The following LIPC variants were observed in gnomAD, a reference collection of about 807,000 sequenced individuals.
LIPC encodes lipase C, hepatic type.
Under a neutral mutation model 50.7 loss-of-function variants are expected in LIPC, and 44 were observed. That is an observed-to-expected ratio of 0.87 (90% CI 0.68 to 1.11). The LOEUF (loss-of-function observed/expected upper bound fraction) is 1.11. LIPC is among the 50% of genes most tolerant of loss of function. The pLI, the probability that LIPC is intolerant of heterozygous loss-of-function variation, is 0.00. For synonymous variants in LIPC, 271 were observed against 256.4 expected, an observed-to-expected ratio of 1.06 and a Z score of -0.54; for missense variants, 697 against 648.2, an observed-to-expected ratio of 1.08 and a Z score of -0.82.
chr15:58,522,245 C>T (rs1892679941), intron 1 of LIPC: 1 of 153,876 alleles, frequency 6.5e-6, no homozygotes, highest in African/African-American at 2.4e-5. Flanking sequence ...ACTGCCTCAG[C>T]TTCCTCCACC....
Position 58,568,877 on chromosome 15 carries a change from T to C in LIPC, c.*50T>C. Reference sequence around the variant, plus strand: ...GAATAAATGAATCTTACTCCTTATCTGGAATGGCTGCCTTATTTAGAAGCC... The same window carrying C: ...GAATAAATGAATCTTACTCCTTATCCGGAATGGCTGCCTTATTTAGAAGCC... On this transcript the variant is annotated 3_prime_UTR_variant, in exon 9 of 9. Transcript: ENST00000299022. 9.4e-7 allele frequency: 1 copy of C among 1,061,416 alleles called. No homozygotes were observed. 65.7% of individuals were successfully genotyped at this position (1,061,416 alleles called of 1,614,324 possible).
intron 6 of LIPC, among the ~76,000 whole-genome samples, chr15:58,551,948 T>C (rs759895958): frequency 1.4e-4 from 21 of 152,182 alleles, no homozygotes; most frequent in East Asian, 1.4e-3. Context: ...ACTGCGAGAG[T>C]ACAGCAGTAG....
At chr15:58,533,949 A>G (rs1222694629) in intron 1 of LIPC, among the ~76,000 whole-genome samples, 4 of 152,018 alleles carry the variant, frequency 2.6e-5, no homozygotes, top group South Asian at 2.1e-4. Flanking sequence ...TTTGAAGGGG[A>G]AAAAAAAGGC....
rs1162928248 is a variant in LIPC, at chr15:58,542,944, T to C, written c.574+293T>C. Among the ~76,000 whole-genome samples, 5 of 152,242 alleles carry C rather than the reference T, an allele frequency of 3.3e-5. No individual in the cohort carries two copies. The East Asian group carries it at 9.6e-4, about 29-fold the overall frequency. The stretch of plus-strand genomic sequence containing the variant: ...TGGACTTTTCTAGCAAGAAAGAGTC[T>C]TATTTTTTAATCTATAATTTACAAA... On this transcript the variant is annotated intron_variant, in intron 4 of 8. Coordinates refer to ENST00000299022, the MANE Select transcript of LIPC (RefSeq NM_000236.3).
chr15:58,495,308 GCCT>G (rs1245129929), intron 1 of LIPC, among the ~76,000 whole-genome samples: 2 of 152,126 alleles, frequency 1.3e-5, no homozygotes, highest in African/African-American at 4.8e-5. Context: ...TTCTATTATG[GCCT>G]CCTCCCTTTC....
At chr15:58,440,369 T>G (rs1893462868) in intron 1 of LIPC, among the ~76,000 whole-genome samples, 1 of 152,156 alleles carries the variant, frequency 6.6e-6, no homozygotes, top group Non-Finnish European at 1.5e-5. Context: ...CCAAAAACTT[T>G]CCAGTGACAA....
At chr15:58,467,548 T>C (rs1340975679) in intron 1 of LIPC, among the ~76,000 whole-genome samples, 1 of 152,184 alleles carries the variant, frequency 6.6e-6, no homozygotes, top group African/African-American at 2.4e-5. Flanking sequence ...CTAGGCCTTC[T>C]GGGAAGCAGC....
At chr15:58,455,387 T>C (rs952803794) in intron 1 of LIPC, among the ~76,000 whole-genome samples, 2 of 152,152 alleles carry the variant, frequency 1.3e-5, no homozygotes, top group Non-Finnish European at 2.9e-5. Flanking sequence ...TGCACCAGAT[T>C]TGTCAGGCCA....
chr15:58,563,383 T>C, intron 7 of LIPC, 122 bp from the exon 8 acceptor site: 1 of 787,454 alleles, frequency 1.3e-6, no homozygotes, highest in South Asian at 1.4e-5. Context: ...GAACACTAGT[T>C]TGGGAAATGC....
At chr15:58,557,166 GAGC>G (rs1272407750) in intron 6 of LIPC, among the ~76,000 whole-genome samples, 2 of 152,104 alleles carry the variant, frequency 1.3e-5, no homozygotes, top group African/African-American at 4.8e-5. Flanking sequence ...CAGGTTGTGT[GAGC>G]CGACGCCCCA....
At chr15:58,486,889 G>C (rs531407729) in intron 1 of LIPC, among the ~76,000 whole-genome samples, 5 of 152,326 alleles carry the variant, frequency 3.3e-5, no homozygotes, top group South Asian at 4.1e-4. Context: ...AGGCCCAAGA[G>C]AGAAGGAAAT....
At chr15:58,558,584 A>G (rs1290519330) in intron 6 of LIPC, among the ~76,000 whole-genome samples, 1 of 152,240 alleles carries the variant, frequency 6.6e-6, no homozygotes, top group Non-Finnish European at 1.5e-5. Context: ...CTGTCAGAGC[A>G]GTGGCAACAT....
chr15:58,463,616 A>T (rs564222189), intron 1 of LIPC, among the ~76,000 whole-genome samples: 1 of 152,264 alleles, frequency 6.6e-6, no homozygotes, highest in South Asian at 2.1e-4. Context: ...GAAAGAAAGG[A>T]AAGAATCCAT....
At chr15:58,494,114 G>C (rs1891685981) in intron 1 of LIPC, among the ~76,000 whole-genome samples, 1 of 152,212 alleles carries the variant, frequency 6.6e-6, no homozygotes, top group Non-Finnish European at 1.5e-5. Flanking sequence ...CCTTGCCATG[G>C]GGGCCTCTCC....
intron 1 of LIPC, among the ~76,000 whole-genome samples, chr15:58,478,267 C>T (rs1891065344): frequency 6.6e-6 from 1 of 152,188 alleles, no homozygotes; most frequent in African/African-American, 2.4e-5. Context: ...GGGAGACAGT[C>T]ACGCTCCATC....
intron 1 of LIPC, among the ~76,000 whole-genome samples, chr15:58,509,407 G>A (rs778185078): frequency 1.1e-4 from 17 of 152,212 alleles, no homozygotes; most frequent in Non-Finnish European, 1.2e-4. Context: ...GAATACTGGA[G>A]CAACTACCTA....
At chr15:58,499,213 C>T (rs1388563650) in intron 1 of LIPC, among the ~76,000 whole-genome samples, 1 of 152,198 alleles carries the variant, frequency 6.6e-6, no homozygotes, top group Non-Finnish European at 1.5e-5. Context: ...TTCACCACCC[C>T]TAAGAATTTT....
chr15:58,559,332 T>C (rs1410654213), intron 6 of LIPC, among the ~76,000 whole-genome samples: 3 of 152,190 alleles, frequency 2.0e-5, no homozygotes, highest in African/African-American at 7.2e-5. Context: ...AGTTCATTCA[T>C]CCCACAAAAG....
intron 1 of LIPC, among the ~76,000 whole-genome samples, chr15:58,535,105 C>T (rs1367457843): frequency 6.6e-6 from 1 of 152,222 alleles, no homozygotes; most frequent in Non-Finnish European, 1.5e-5. Context: ...TTTCCTCCAT[C>T]TAGACTTGAC....
Sources: allele counts gnomAD v4.1 joint callset (sites outside exome capture counted in the v4.1 genomes callset), GRCh38; gene constraint gnomAD v4.1.1; transcripts MANE v1.5; gene names NCBI Gene and HGNC (gene_info 2026-07-23, HGNC 2026-07-21).